SLC44A5: variants seen among roughly 807,000 people sequenced by gnomAD.
The protein encoded by SLC44A5 is choline transporter-like protein 5.
A neutral mutation model predicts 101.8 loss-of-function variants in SLC44A5; 57 were observed. That is an observed-to-expected ratio of 0.56 (90% CI 0.45 to 0.70). SLC44A5 has a LOEUF of 0.70. SLC44A5 is among the 30% of genes least tolerant of loss of function. SLC44A5 has a pLI of 0.00. For missense variants in SLC44A5, 737 were observed against 853.1 expected, an observed-to-expected ratio of 0.86 and a Z score of 1.70; for synonymous variants, 281 against 290.9, an observed-to-expected ratio of 0.97 and a Z score of 0.35.
At chr1:75,477,604 T>C (rs1056130615) in intron 2 of SLC44A5, among the ~76,000 whole-genome samples, 2 of 152,044 alleles carry the variant, frequency 1.3e-5, no homozygotes, top group Admixed American at 6.6e-5. Flanking sequence ...ACGTGAAGAA[T>C]GCAGAAGCCT....
intron 2 of SLC44A5, among the ~76,000 whole-genome samples, chr1:75,509,586 G>T (rs1275031381): frequency 6.6e-6 from 1 of 152,224 alleles, no homozygotes; most frequent in South Asian, 2.1e-4. Flanking sequence ...TATTTGTAAA[G>T]AGGAGGCAGA....
chr1:75,367,846 A>G (rs1237347231), intron 3 of SLC44A5, among the ~76,000 whole-genome samples: 1 of 152,190 alleles, frequency 6.6e-6, no homozygotes, highest in Non-Finnish European at 1.5e-5. Flanking sequence ...TGGATCCCAT[A>G]GCTCCCACAA....
chr1:75,357,396 G>C (rs1457503593), intron 3 of SLC44A5, among the ~76,000 whole-genome samples: 3 of 152,100 alleles, frequency 2.0e-5, no homozygotes, highest in African/African-American at 7.2e-5. Context: ...GTTTCTCTGA[G>C]CACTGAGTAG....
At chr1:75,719,994 T>C in the SLC44A5 span, among the ~76,000 whole-genome samples, 5 of 152,338 alleles carry the variant, frequency 3.3e-5, no homozygotes, top group Middle Eastern at 3.4e-3. Flanking sequence ...GGACTTCCCC[T>C]GTTCTGGGAA....
At chr1:75,529,641 A>G (rs554879084) in intron 2 of SLC44A5, among the ~76,000 whole-genome samples, 64 of 152,222 alleles carry the variant, frequency 4.2e-4, no homozygotes, top group African/African-American at 1.5e-3. Context: ...GTCTTAGTAA[A>G]TCTAGTACAA....
In SLC44A5 at chr1:75,503,951, T is replaced by C. The variant is rs1669106726; in HGVS notation, c.13+37484A>G. On this transcript the variant is annotated intron_variant, in intron 2 of 23. Transcript: ENST00000370859. ...GGATATTTTTAAAGAGAGATTTTTTTTGTCTACATTTTGCTGCTTAGTTAT... is the reference window on the plus strand; with the variant it reads ...GGATATTTTTAAAGAGAGATTTTTTCTGTCTACATTTTGCTGCTTAGTTAT... Among the ~76,000 whole-genome samples, 8 of 152,316 alleles carry C rather than the reference T, an allele frequency of 5.3e-5. No individual in the cohort carries two copies. In the South Asian group the frequency reaches 1.4e-3, roughly 28 times the overall value.
intron 2 of SLC44A5, among the ~76,000 whole-genome samples, chr1:75,506,907 C>CTTATTT (rs1669290106): frequency 1.5e-5 from 1 of 68,748 alleles, no homozygotes; most frequent in Non-Finnish European, 2.6e-5. Context: ...TATTCCTATT[C>CTTATTT]TTTTTTTTTT....
chr1:75,308,282 G>T (rs1012349202), intron 4 of SLC44A5, among the ~76,000 whole-genome samples: 3 of 152,030 alleles, frequency 2.0e-5, no homozygotes, highest in Admixed American at 6.6e-5. Context: ...TCTATCTTCT[G>T]ATTAGTCTTC....
At chr1:75,347,651 G>C (rs562364707) in intron 3 of SLC44A5, among the ~76,000 whole-genome samples, 2 of 151,118 alleles carry the variant, frequency 1.3e-5, no homozygotes, top group East Asian at 4.0e-4. Flanking sequence ...AGAGAGGAGA[G>C]ATCTTCTTTC....
chr1:75,287,426 CT>C (rs371647505), intron 5 of SLC44A5, among the ~76,000 whole-genome samples: 9 of 69,910 alleles, frequency 1.3e-4, no homozygotes, highest in African/African-American at 5.4e-4. Context: ...CTTCTGAATT[CT>C]TTTTTTTTTT....
the SLC44A5 span, among the ~76,000 whole-genome samples, chr1:75,672,382 G>A: frequency 1.3e-5 from 2 of 151,918 alleles, no homozygotes; most frequent in African/African-American, 4.8e-5. Flanking sequence ...ACTCAGCCTG[G>A]GCCCACAGAG....
intron 2 of SLC44A5, among the ~76,000 whole-genome samples, chr1:75,513,747 A>G (rs1669684064): frequency 1.3e-5 from 2 of 152,202 alleles, no homozygotes; most frequent in African/African-American, 4.8e-5. Context: ...AGAGAAAATT[A>G]TACTTTTCCT....
At chr1:75,367,131 C>T (rs1042971418) in intron 3 of SLC44A5, among the ~76,000 whole-genome samples, 2 of 152,178 alleles carry the variant, frequency 1.3e-5, no homozygotes, top group African/African-American at 4.8e-5. Context: ...GGTAGCTGAG[C>T]ACTGGAAGAG....
At chr1:75,275,086 G>C in intron 5 of SLC44A5, 44 bp from the exon 6 acceptor site, 1 of 1,499,410 alleles carries the variant, frequency 6.7e-7, no homozygotes, top group East Asian at 2.3e-5. Context: ...GCAAAAGCCA[G>C]CTAAAGGCAG....
intron 2 of SLC44A5, chr1:75,522,166 A>G (rs1182803666): frequency 6.6e-6 from 1 of 152,208 alleles, no homozygotes; most frequent in African/African-American, 2.4e-5. Context: ...TAAAATGACC[A>G]AAGAGGAGGA....
At chr1:75,407,093 T>C (rs1355472454) in intron 2 of SLC44A5, among the ~76,000 whole-genome samples, 1 of 151,990 alleles carries the variant, frequency 6.6e-6, no homozygotes, top group Non-Finnish European at 1.5e-5. Flanking sequence ...CAATCGTGAG[T>C]GAACTCCAAT....
intron 2 of SLC44A5, among the ~76,000 whole-genome samples, chr1:75,424,212 A>C (rs1480933402): frequency 6.6e-6 from 1 of 152,190 alleles, no homozygotes; most frequent in African/African-American, 2.4e-5. Context: ...GCTATACGTT[A>C]ATAGATTAAC....
intron 4 of SLC44A5, among the ~76,000 whole-genome samples, chr1:75,328,020 A>G (rs764188335): frequency 7.2e-5 from 11 of 152,162 alleles, no homozygotes; most frequent in Non-Finnish European, 1.5e-4. Flanking sequence ...CTAGTTCACC[A>G]TCTCCAGGCT....
the SLC44A5 span, among the ~76,000 whole-genome samples, chr1:75,684,512 G>A: frequency 1.3e-5 from 2 of 152,138 alleles, no homozygotes; most frequent in African/African-American, 4.8e-5. Context: ...ACAAGCATTA[G>A]CTAAATTGGA....
Sources: gnomAD v4.1 joint callset for allele counts (sites outside exome capture counted in the v4.1 genomes callset) on GRCh38, gnomAD v4.1.1 for gene constraint, MANE v1.5 for transcripts, NCBI Gene and HGNC (gene_info 2026-07-23, HGNC 2026-07-21) for gene names.